Variants in LMX1A observed in about 807,000 individuals in gnomAD.
LMX1A encodes LIM homeobox transcription factor 1 alpha.
In LMX1A, 15 loss-of-function variants were observed where a neutral mutation model predicts 49.1. The ratio of observed to expected loss-of-function variants is 0.31; its 90% confidence interval spans 0.20 to 0.47. The LOEUF (loss-of-function observed/expected upper bound fraction) is 0.47, where lower values mean the gene tolerates loss of function less well. Among genes scored for constraint, LMX1A ranks in the 20% least tolerant of loss-of-function variants. The probability of loss-of-function intolerance (pLI) is 1.00; values close to 1 mark genes in which losing one functional copy is unlikely to be tolerated. For synonymous variants in LMX1A, 167 were observed against 185.7 expected (o/e 0.90, Z 0.82); for missense variants, 372 against 475.8 (o/e 0.78, Z 2.03).
At chr1:165,236,981 G>A (rs1652471715) in intron 4 of LMX1A, among the ~76,000 whole-genome samples, 1 of 151,966 alleles carries the variant, frequency 6.6e-6, no homozygotes, top group Admixed American at 6.5e-5. Flanking sequence ...CAAGAATGTA[G>A]GCTGTGTGAG....
intron 3 of LMX1A, among the ~76,000 whole-genome samples, chr1:165,321,443 A>C (rs1316854650): frequency 6.6e-6 from 1 of 152,196 alleles, no homozygotes; most frequent in African/African-American, 2.4e-5. Context: ...CTAAAAAAAT[A>C]AACATATGTT....
At chr1:165,223,093 T>G (rs1480434918) in intron 4 of LMX1A, among the ~76,000 whole-genome samples, 2 of 151,882 alleles carry the variant, frequency 1.3e-5, no homozygotes, top group African/African-American at 4.8e-5. Context: ...CCGAATACAC[T>G]AAACACTATT....
chr1:165,274,888 T>A (rs924909657), intron 3 of LMX1A, among the ~76,000 whole-genome samples: 8 of 152,120 alleles, frequency 5.3e-5, no homozygotes, highest in African/African-American at 1.9e-4. Flanking sequence ...ACTTACCTCA[T>A]AAGGTAGTTG....
chr1:165,216,252 A>G (rs973554034), intron 4 of LMX1A: 9 of 152,256 alleles, frequency 5.9e-5, no homozygotes, highest in African/African-American at 2.2e-4. Flanking sequence ...AGCCTCAGGA[A>G]AATAAGAAGA....
chr1:165,355,058 G>C lies in LMX1A; in HGVS notation c.76+426C>G, dbSNP rs34533308. ...TTGCCCATGGCTGAAATTGGGGCTG[G>C]AGTTGGTGGGGGAGAGAAGCCTCCT... On this transcript the variant is annotated intron_variant, in intron 2 of 8. Transcript: ENST00000342310. This position sits in a 1 kb window ranked among gnomAD's most constrained non-coding sequence, Gnocchi z 4.7. Among the ~76,000 whole-genome samples, 13,700 of 152,246 alleles carry C rather than the reference G, an allele frequency of 0.09. 794 individuals are homozygous for C. The highest frequency in any genetic ancestry group is 0.14 in the Admixed American group (2,090 of 15,308).
chr1:165,297,096 T>C (rs1401538684), intron 3 of LMX1A, among the ~76,000 whole-genome samples: 1 of 152,218 alleles, frequency 6.6e-6, no homozygotes, highest in Non-Finnish European at 1.5e-5. Context: ...GAGCTCAGTT[T>C]CCAGCACAGT....
chr1:165,203,785 C>T lies in LMX1A; in HGVS notation c.*95G>A, dbSNP rs766180055. On this transcript the variant is annotated 3_prime_UTR_variant, in exon 9 of 9. Transcript: ENST00000342310. ...CCAACAAAACTCCCTCCCCAACCCACCTCTTCCCTGGCCTCCCTGTCCTAA... is the reference window on the plus strand; with the variant it reads ...CCAACAAAACTCCCTCCCCAACCCATCTCTTCCCTGGCCTCCCTGTCCTAA... The T allele has an allele frequency of 3.6e-5, 45 of 1,237,596 alleles. No individual in the cohort carries two copies. The highest frequency in any genetic ancestry group is 5.1e-5 in the Non-Finnish European group (44 of 863,796). The allele number at this position is 1,237,596 out of a possible 1,614,324, so 76.7% of individuals were successfully genotyped here. A position where few individuals can be genotyped will look rare whatever the true frequency, so the allele number is the denominator to read the frequency against.
rs187440005 is a variant in LMX1A, at chr1:165,254,274, G to A, written c.264-4634C>T. On this transcript the variant is annotated intron_variant, in intron 3 of 8. Transcript: ENST00000342310. ...TTTCCCCCAAGTTGGAGAAGGGAGGGTTGGAGTGAGTTCAACAAAGAAAGC... is the reference window on the plus strand; with the variant it reads ...TTTCCCCCAAGTTGGAGAAGGGAGGATTGGAGTGAGTTCAACAAAGAAAGC... 1.2e-3 allele frequency among the ~76,000 whole-genome samples: 190 copies of A among 152,224 alleles called. 6 individuals are homozygous for A. Among genetic ancestry groups the A allele is most frequent in the Non-Finnish European group, 1.0e-4 (7 of 68,016 alleles).
intron 3 of LMX1A, among the ~76,000 whole-genome samples, chr1:165,293,401 T>C (rs987421704): frequency 2.0e-5 from 3 of 152,210 alleles, no homozygotes; most frequent in East Asian, 1.9e-4. Flanking sequence ...TGTGAGCAAG[T>C]CACATTACTA....
In LMX1A at chr1:165,210,511, C is replaced by A. The variant is rs1477652141; in HGVS notation, c.747+188G>T. ...ACAAGCAATTTCACTAAAATGAATG[C>A]CTTCTCTCTCCCCTTCTGCAGGGCT... is the stretch of plus-strand genomic sequence containing the variant. On this transcript the variant is annotated intron_variant, in intron 6 of 8. Coordinates refer to ENST00000342310, the MANE Select transcript of LMX1A (RefSeq NM_177398.4). 1.7e-5 allele frequency: 7 copies of A among 414,964 alleles called. No homozygotes were observed. In the South Asian group the frequency reaches 2.8e-4, roughly 17 times the overall value. 25.7% of individuals were successfully genotyped at this position (414,964 alleles called of 1,614,324 possible).
rs16840972 is a variant in LMX1A, at chr1:165,202,768, A to C, written c.*1112T>G. The C allele has an allele frequency of 0.085, 13,042 of 152,540 alleles. 632 individuals are homozygous for C. The highest frequency in any genetic ancestry group is 0.15 in the South Asian group (703 of 4,810). 9.4% of individuals were successfully genotyped at this position (152,540 alleles called of 1,614,324 possible). A position where few individuals can be genotyped will look rare whatever the true frequency, so the allele number is the denominator to read the frequency against. On this transcript the variant is annotated 3_prime_UTR_variant, in exon 9 of 9. Transcript: ENST00000342310. ...ACTGCTCTGAGCTGGTGTCTCCTTC[A>C]GCACAGGCTTTGCAGAGGGACTTCA...
rs199924579 is a variant in LMX1A at position 165,208,137 on chromosome 1, T to A, written c.748-5A>T. Reference sequence around the variant, plus strand: ...TCGCCTGGCCAGCTTCTTCATCTGATAAGGAGAGGACCATAGGATTAGAAG... The same window carrying A: ...TCGCCTGGCCAGCTTCTTCATCTGAAAAGGAGAGGACCATAGGATTAGAAG... On this transcript the variant is annotated splice_region_variant and splice_polypyrimidine_tract_variant and intron_variant, in intron 6 of 8. Transcript: ENST00000342310. 1 of 1,613,752 alleles carries A rather than the reference T, an allele frequency of 6.2e-7. No homozygotes were observed. Among genetic ancestry groups the A allele is most frequent in the Admixed American group, 1.7e-5 (1 of 60,004 alleles).
At chr1:165,266,722 C>T (rs1571190150) in intron 3 of LMX1A, among the ~76,000 whole-genome samples, 3 of 151,330 alleles carry the variant, frequency 2.0e-5, no homozygotes, top group South Asian at 4.2e-4. Context: ...CTGCCTCAGC[C>T]TCCTGAGTAG....
intron 4 of LMX1A, among the ~76,000 whole-genome samples, chr1:165,229,002 T>A (rs552383938): frequency 6.6e-5 from 10 of 152,204 alleles, no homozygotes; most frequent in African/African-American, 2.4e-4. Flanking sequence ...TTGCATCACC[T>A]CTAGGAATAG....
At chr1:165,272,660 G>T (rs1292708772) in intron 3 of LMX1A, among the ~76,000 whole-genome samples, 1 of 152,192 alleles carries the variant, frequency 6.6e-6, no homozygotes, top group Non-Finnish European at 1.5e-5. Flanking sequence ...ACTGAAGTCA[G>T]CTGGCTGTGT....
intron 3 of LMX1A, among the ~76,000 whole-genome samples, chr1:165,308,456 G>T (rs956027816): frequency 6.6e-6 from 1 of 152,296 alleles, no homozygotes. Flanking sequence ...ATTCTGCAAA[G>T]TGTCTGCTAA....
At chr1:165,323,177 A>C (rs774840780) in intron 3 of LMX1A, among the ~76,000 whole-genome samples, 25 of 152,178 alleles carry the variant, frequency 1.6e-4, no homozygotes, top group Non-Finnish European at 3.4e-4. Flanking sequence ...GTCAAATTTC[A>C]ATTAATAAAT....
At chr1:165,350,185 A>T (rs1467614710) in intron 3 of LMX1A, among the ~76,000 whole-genome samples, 1 of 151,358 alleles carries the variant, frequency 6.6e-6, no homozygotes, top group African/African-American at 2.4e-5. Flanking sequence ...AAAAAAAAAA[A>T]AAAAAAAAAA....
intron 3 of LMX1A, among the ~76,000 whole-genome samples, chr1:165,279,682 T>C (rs1182444626): frequency 6.6e-6 from 1 of 152,162 alleles, no homozygotes; most frequent in Non-Finnish European, 1.5e-5. Context: ...ATAGGGCAAA[T>C]TTATCCTGCT....
Sources: allele counts gnomAD v4.1 joint callset (sites outside exome capture counted in the v4.1 genomes callset), GRCh38; gene constraint gnomAD v4.1.1; non-coding constraint Gnocchi (gnomAD v3.1); transcripts MANE v1.5; gene names NCBI Gene and HGNC (gene_info 2026-07-23, HGNC 2026-07-21).